The following CLINT1 variants were observed in gnomAD, a reference collection of about 807,000 sequenced individuals.
CLINT1 encodes the protein clathrin interactor 1.
CLINT1 carries 15 observed loss-of-function variants against 70.4 expected under a neutral mutation model. That is an observed-to-expected ratio of 0.21 (90% CI 0.14 to 0.33). The LOEUF is 0.33. Among genes scored for constraint, CLINT1 ranks in the 10% least tolerant of loss-of-function variants. The pLI, the probability that CLINT1 is intolerant of heterozygous loss-of-function variation, is 1.00. For missense variants in CLINT1, 615 were observed against 778.1 expected (o/e 0.79, Z 2.49); for synonymous variants, 227 against 254.7 (o/e 0.89, Z 1.04).
intron 8 of CLINT1, 157 bp from the exon 9 acceptor site, chr5:157,795,129 A>G (rs996110398): frequency 3.2e-6 from 2 of 631,688 alleles, no homozygotes; most frequent in East Asian, 2.7e-5. Flanking sequence ...TTTTCATGTC[A>G]CTATGTTCCC....
chr5:157,813,224 T>C lies in CLINT1; in HGVS notation c.356A>G (p.Glu119Gly). Reference protein sequence around the residue: ...RSLENYHFVDEHGKDQGINIR... With the variant: ...RSLENYHFVDGHGKDQGINIR... ...ATTTATACCTTGATCCTTACCATGCTCATCTATGAGGATGGTAAGAGATAA... is the reference window on the plus strand; with the variant it reads ...ATTTATACCTTGATCCTTACCATGCCCATCTATGAGGATGGTAAGAGATAA... Residue 119 changes from glutamate (E) to glycine (G), a missense_variant, in exon 5 of 12, where the codon GAG becomes GGG. Transcript: ENST00000411809. 1.9e-6 allele frequency: 3 copies of C among 1,611,936 alleles called. No individual in the cohort carries two copies. The highest frequency in any genetic ancestry group is 2.2e-5 in the South Asian group (2 of 90,984).
intron 5 of CLINT1, among the ~76,000 whole-genome samples, chr5:157,811,362 C>A (rs1047001906): frequency 3.3e-5 from 5 of 151,636 alleles, no homozygotes; most frequent in Non-Finnish European, 5.9e-5. Flanking sequence ...GCCAACATGG[C>A]GAAACCCTAA....
At chr5:157,788,960 C>A (rs1761812261) in intron 11 of CLINT1, among the ~76,000 whole-genome samples, 1 of 126,578 alleles carries the variant, frequency 7.9e-6, no homozygotes, top group Non-Finnish European at 1.6e-5. Context: ...GAGCAAGACT[C>A]CATCTCAGAA....
intron 8 of CLINT1, among the ~76,000 whole-genome samples, chr5:157,801,110 AG>A (rs1762202505): frequency 6.6e-6 from 1 of 152,274 alleles, no homozygotes; most frequent in Non-Finnish European, 1.5e-5. Context: ...CAACTAATGT[AG>A]CTGTCCGTAA....
intron 1 of CLINT1, among the ~76,000 whole-genome samples, chr5:157,828,870 C>T (rs1473978818): frequency 1.4e-5 from 2 of 144,676 alleles, no homozygotes; most frequent in Non-Finnish European, 3.0e-5. Flanking sequence ...AGGCAGATCA[C>T]TTGAGATCAG....
At chr5:157,820,945 C>T (rs1005580630) in intron 1 of CLINT1, among the ~76,000 whole-genome samples, 1 of 152,170 alleles carries the variant, frequency 6.6e-6, no homozygotes, top group Non-Finnish European at 1.5e-5. Context: ...CGCCCCTCCC[C>T]AATAAATTTC....
chr5:157,843,582 C>T (rs1753265690), intron 1 of CLINT1, among the ~76,000 whole-genome samples: 2 of 152,122 alleles, frequency 1.3e-5, no homozygotes, highest in Admixed American at 1.3e-4. Flanking sequence ...CACGTCCCTC[C>T]TATACTTACC....
At chr5:157,833,613 C>T (rs1206066193) in intron 1 of CLINT1, among the ~76,000 whole-genome samples, 1 of 152,094 alleles carries the variant, frequency 6.6e-6, no homozygotes, top group African/African-American at 2.4e-5. Flanking sequence ...CTCTTCATAG[C>T]ACCCTTTGCT....
chr5:157,799,895 G>C (rs894073630), intron 8 of CLINT1, among the ~76,000 whole-genome samples: 2 of 152,102 alleles, frequency 1.3e-5, no homozygotes, highest in African/African-American at 2.4e-5. Context: ...TAACACAATA[G>C]AAAGTGTTTG....
intron 1 of CLINT1, among the ~76,000 whole-genome samples, chr5:157,830,757 C>CCCTCTCTCTCTCTCTCT (rs1763202161): frequency 1.1e-5 from 1 of 87,414 alleles, no homozygotes; most frequent in African/African-American, 4.7e-5. Flanking sequence ...CCTCTCTCTC[C>CCCTCTCTCTCTCTCTCT]CTCTCTCTCT....
chr5:157,788,651 A>G (rs1042749111), intron 11 of CLINT1, among the ~76,000 whole-genome samples: 3 of 152,188 alleles, frequency 2.0e-5, no homozygotes, highest in Non-Finnish European at 4.4e-5. Context: ...GAATGATCCC[A>G]AGTATTAAAA....
At chr5:157,798,152 T>C (rs776824107) in intron 8 of CLINT1, among the ~76,000 whole-genome samples, 1 of 152,216 alleles carries the variant, frequency 6.6e-6, no homozygotes, top group African/African-American at 2.4e-5. Flanking sequence ...AGACTATCCA[T>C]ATCTGTATGT....
intron 1 of CLINT1, among the ~76,000 whole-genome samples, chr5:157,827,625 C>T (rs1022190017): frequency 6.6e-6 from 1 of 152,146 alleles, no homozygotes; most frequent in African/African-American, 2.4e-5. Flanking sequence ...AAGAAAACTA[C>T]ACGAATGCGA....
chr5:157,851,686 CAAAAA>C (rs34229522), intron 1 of CLINT1, among the ~76,000 whole-genome samples: 2 of 88,960 alleles, frequency 2.2e-5, no homozygotes, highest in Admixed American at 1.3e-4. Context: ...GACCCCGTCT[CAAAAA>C]AAAAAAAAAA....
At chr5:157,834,060 G>T (rs953461633) in intron 1 of CLINT1, among the ~76,000 whole-genome samples, 2 of 152,174 alleles carry the variant, frequency 1.3e-5, no homozygotes, top group African/African-American at 4.8e-5. Context: ...CTCCAGTTCT[G>T]GCCAGGCACG....
At chr5:157,818,268 T>G (rs1411164328) in intron 1 of CLINT1, among the ~76,000 whole-genome samples, 2 of 151,982 alleles carry the variant, frequency 1.3e-5, no homozygotes, top group African/African-American at 4.8e-5. Context: ...ATGTGACCTT[T>G]GACAAAATTA....
chr5:157,808,579 GTAAAT>G (rs2113187960), intron 6 of CLINT1, among the ~76,000 whole-genome samples: 1 of 152,208 alleles, frequency 6.6e-6, no homozygotes, highest in South Asian at 2.1e-4. Context: ...AATTTGCTCT[GTAAAT>G]TAAGTGCTAT....
chr5:157,837,746 C>T lies in CLINT1; in HGVS notation c.42-20199G>A, dbSNP rs548278748. Among the ~76,000 whole-genome samples the T allele has an allele frequency of 6.6e-5, 10 of 150,750 alleles. No individual in the cohort carries two copies. In the East Asian group the frequency reaches 1.6e-3, roughly 24 times the overall value. On this transcript the variant is annotated intron_variant, in intron 1 of 11. Transcript: ENST00000411809. ...GCAACCTCCACCTCCCAGGTTCAAG[C>T]GATTCTCCTGCCTCAGCCTCCCGAG...
intron 1 of CLINT1, among the ~76,000 whole-genome samples, chr5:157,858,285 G>GA (rs1464884309): frequency 6.6e-6 from 1 of 152,138 alleles, no homozygotes; most frequent in Non-Finnish European, 1.5e-5. Context: ...AGAAACAGAA[G>GA]AAAAAATCGC....
Sources: gnomAD v4.1 joint callset for allele counts (sites outside exome capture counted in the v4.1 genomes callset) on GRCh38, gnomAD v4.1.1 for gene constraint, MANE v1.5 for transcripts, NCBI Gene and HGNC (gene_info 2026-07-23, HGNC 2026-07-21) for gene names.